Variants in TERF1 observed in about 807,000 individuals in gnomAD.
TERF1 encodes the protein telomeric repeat-binding factor 1.
A neutral mutation model predicts 55.1 loss-of-function variants in TERF1; 20 were observed. That is an observed-to-expected ratio of 0.36 (90% CI 0.26 to 0.53). TERF1 has a LOEUF of 0.53. TERF1 is among the 20% of genes least tolerant of loss of function. The pLI is 0.91. For missense variants in TERF1, 439 were observed against 535.7 expected (o/e 0.82, Z 1.78); for synonymous variants, 168 against 181.2 (o/e 0.93, Z 0.59).
At chr8:73,028,562 C>T (rs992095239) in intron 6 of TERF1, among the ~76,000 whole-genome samples, 1 of 142,566 alleles carries the variant, frequency 7.0e-6, no homozygotes, top group Non-Finnish European at 1.5e-5. Context: ...TAAAGCCTTA[C>T]GTAGACCCAT....
At chr8:73,020,089 T>C (rs1808686693) in intron 2 of TERF1, among the ~76,000 whole-genome samples, 1 of 152,188 alleles carries the variant, frequency 6.6e-6, no homozygotes, top group African/African-American at 2.4e-5. Flanking sequence ...TCAATAAATA[T>C]TTATTGAATG....
At position 73,047,557 on chromosome 8, in the gene TERF1, T is replaced by A. The variant is rs1227109336; in HGVS notation, c.*1420T>A. On this transcript the variant is annotated 3_prime_UTR_variant, in exon 10 of 10. Transcript: ENST00000276603. ...AAAGATTTAGACTAACAGAATTATT[T>A]AGCATTTCGAGTCATGTGCTTTATT... is the stretch of plus-strand genomic sequence containing the variant. 6.6e-6 allele frequency: 1 copy of A among 152,234 alleles called. No homozygotes were observed. 9.4% of individuals were successfully genotyped at this position (152,234 alleles called of 1,614,324 possible).
At chr8:73,033,205 C>G (rs1809367800) in intron 8 of TERF1, among the ~76,000 whole-genome samples, 1 of 151,918 alleles carries the variant, frequency 6.6e-6, no homozygotes, top group Non-Finnish European at 1.5e-5. Context: ...GACATGGCAA[C>G]CATTAGCAAA....
At chr8:73,038,930 C>T (rs750509667) in intron 8 of TERF1, 186 bp from the exon 9 acceptor site, 3 of 518,108 alleles carry the variant, frequency 5.8e-6, no homozygotes, top group Non-Finnish European at 9.1e-6. Context: ...AAACACTCCC[C>T]CTCTGATTTC....
At chr8:73,023,259 GT>G (rs1450006624) in intron 4 of TERF1, among the ~76,000 whole-genome samples, 1 of 152,222 alleles carries the variant, frequency 6.6e-6, no homozygotes, top group African/African-American at 2.4e-5. Context: ...TCCTCCAGTA[GT>G]GTGAAAGAAT....
chr8:73,040,474 C>G (rs1809786653), intron 9 of TERF1, among the ~76,000 whole-genome samples: 1 of 152,108 alleles, frequency 6.6e-6, no homozygotes, highest in Non-Finnish European at 1.5e-5. Context: ...GGTGAATTCC[C>G]AAAGGAGAAG....
intron 9 of TERF1, among the ~76,000 whole-genome samples, chr8:73,042,175 T>G (rs1809859109): frequency 1.3e-5 from 2 of 152,312 alleles, no homozygotes; most frequent in Middle Eastern, 6.8e-3. Flanking sequence ...GTCTTATACA[T>G]ATAACTGATC....
chr8:73,029,072 A>G (rs1031064665), intron 6 of TERF1, among the ~76,000 whole-genome samples: 9 of 152,180 alleles, frequency 5.9e-5, no homozygotes, highest in African/African-American at 2.2e-4. Context: ...GAACCAGGGC[A>G]AATAAAGCAT....
chr8:73,015,217 C>G (rs1182245440), intron 2 of TERF1, among the ~76,000 whole-genome samples: 1 of 151,700 alleles, frequency 6.6e-6, no homozygotes, highest in Non-Finnish European at 1.5e-5. Flanking sequence ...CCAGGGTCAG[C>G]TGTCAAGAAT....
chr8:73,022,760 AAC>A (rs951376825), intron 4 of TERF1, among the ~76,000 whole-genome samples: 2 of 152,126 alleles, frequency 1.3e-5, no homozygotes, highest in African/African-American at 4.8e-5. Context: ...CAGCCTGGGC[AAC>A]ACAGCGAGAC....
In TERF1 at chr8:73,025,261, T is replaced by A. The variant is rs76366964; in HGVS notation, c.774+290T>A. Among the ~76,000 whole-genome samples, 66 of 152,314 alleles carry A rather than the reference T, an allele frequency of 4.3e-4. No individual in the cohort carries two copies. The East Asian group carries it at 0.012, about 28-fold the overall frequency. On this transcript the variant is annotated intron_variant, in intron 5 of 9. Transcript: ENST00000276603. ...AATAGGCAAAAGCAAATATTTTAAT[T>A]TAAGTAAATTTTAAAGACTTTTTAA...
intron 5 of TERF1, among the ~76,000 whole-genome samples, chr8:73,025,269 A>T (rs1042295601): frequency 2.0e-5 from 3 of 152,234 alleles, no homozygotes; most frequent in Non-Finnish European, 4.4e-5. Flanking sequence ...ATTTAAGTAA[A>T]TTTTAAAGAC....
chr8:73,025,057 AAATT>A, intron 5 of TERF1, 86 bp downstream of exon 5: 1 of 860,256 alleles, frequency 1.2e-6, no homozygotes, highest in South Asian at 2.8e-5. Context: ...AAATCCTTTA[AAATT>A]AATCAGAATT....
At chr8:73,038,144 A>G (rs1054376815) in intron 8 of TERF1, among the ~76,000 whole-genome samples, 1 of 151,516 alleles carries the variant, frequency 6.6e-6, no homozygotes, top group African/African-American at 2.4e-5. Flanking sequence ...CAAATGTATC[A>G]CTTTTGATAA....
Position 73,022,266 on chromosome 8 carries a change from C to A in TERF1, c.588C>A (p.Val196=), listed in dbSNP as rs1808795652. The A allele has an allele frequency of 1.3e-6, 2 of 1,586,964 alleles. No homozygotes were observed. Among genetic ancestry groups the A allele is most frequent in the African/African-American group, 1.4e-5 (1 of 72,920 alleles). ...ENGNFKEAEE[V]FERIFGDPNS... ...GCAACTTTAAAGAAGCAGAAGAAGT[C>A]TTTGAAAGAATATTTGGTGATCCAA... is the stretch of plus-strand genomic sequence containing the variant. Residue 196 remains valine, a synonymous_variant, in exon 4 of 10, where the codon GTC becomes GTA. Transcript: ENST00000276603.
intron 8 of TERF1, among the ~76,000 whole-genome samples, chr8:73,035,560 A>G (rs979551165): frequency 6.6e-6 from 1 of 152,138 alleles, no homozygotes; most frequent in African/African-American, 2.4e-5. Context: ...AGTTTTTAAT[A>G]ATGCTGTTCA....
At chr8:73,038,678 C>T in intron 8 of TERF1, 1 of 666,736 alleles carries the variant, frequency 1.5e-6, no homozygotes, top group Non-Finnish European at 1.9e-6. Context: ...TATCATTTTT[C>T]AGTAATTACA....
chr8:73,032,389 A>G (rs56168954), intron 8 of TERF1, among the ~76,000 whole-genome samples: 112 of 152,300 alleles, frequency 7.4e-4, no homozygotes, highest in African/African-American at 2.6e-3. Flanking sequence ...AAGTATAGTC[A>G]TATGCCACAT....
intron 8 of TERF1, among the ~76,000 whole-genome samples, chr8:73,037,814 A>T (rs1315659746): frequency 1.1e-5 from 1 of 91,398 alleles, no homozygotes; most frequent in Non-Finnish European, 2.1e-5. Context: ...TATATATATT[A>T]TATATAATAT....
Sources: allele counts gnomAD v4.1 joint callset (sites outside exome capture counted in the v4.1 genomes callset), GRCh38; gene constraint gnomAD v4.1.1; transcripts MANE v1.5; gene names NCBI Gene and HGNC (gene_info 2026-07-23, HGNC 2026-07-21).